The following SUPT3H variants were observed in gnomAD, a reference collection of about 807,000 sequenced individuals.
The protein encoded by SUPT3H is SPT3 homolog, SAGA and STAGA complex component.
A neutral mutation model predicts 44.3 loss-of-function variants in SUPT3H; 44 were observed. The ratio of observed to expected loss-of-function variants is 0.99; its 90% CI spans 0.78 to 1.28. The LOEUF (loss-of-function observed/expected upper bound fraction) is 1.28, where lower values mean the gene tolerates loss of function less well. Among genes scored for constraint, SUPT3H ranks in the 50% most tolerant of loss-of-function variants. The pLI is 0.00. For missense variants in SUPT3H, 380 were observed against 387.1 expected, an observed-to-expected ratio of 0.98 and a Z score of 0.15; for synonymous variants, 124 against 125.6, an observed-to-expected ratio of 0.99 and a Z score of 0.09.
intron 2 of SUPT3H, among the ~76,000 whole-genome samples, chr6:45,219,313 G>A (rs1172680239): frequency 4.0e-5 from 6 of 151,774 alleles, no homozygotes; most frequent in African/African-American, 1.5e-4. Flanking sequence ...TTTGAAAACA[G>A]ATGAATAAAA....
chr6:45,328,214 CTTTACT>C (rs1786707591), intron 2 of SUPT3H: 1 of 1,196,576 alleles, frequency 8.4e-7, no homozygotes, highest in African/African-American at 1.6e-5. Context: ...GGCAGTCCCA[CTTTACT>C]TAAGAGTACT....
intron 6 of SUPT3H, among the ~76,000 whole-genome samples, chr6:44,977,707 C>T (rs1193354091): frequency 2.0e-5 from 3 of 152,134 alleles, no homozygotes; most frequent in African/African-American, 4.8e-5. Context: ...TACTATACTA[C>T]TGACTTCTAC....
intron 10 of SUPT3H, among the ~76,000 whole-genome samples, chr6:44,837,120 G>A (rs1770055960): frequency 6.6e-6 from 1 of 151,960 alleles, no homozygotes; most frequent in African/African-American, 2.4e-5. Context: ...GCATTTTCAA[G>A]GTCTTAGACA....
intron 3 of SUPT3H, among the ~76,000 whole-genome samples, chr6:45,092,083 TTG>T (rs1183752408): frequency 6.6e-6 from 1 of 152,060 alleles, no homozygotes; most frequent in Non-Finnish European, 1.5e-5. Flanking sequence ...TTGTGTGTAT[TTG>T]TGTTTTTAGC....
intron 2 of SUPT3H, among the ~76,000 whole-genome samples, chr6:45,194,857 G>C (rs1815751621): frequency 6.6e-6 from 1 of 152,014 alleles, no homozygotes; most frequent in Non-Finnish European, 1.5e-5. Context: ...AGAATGCTTA[G>C]CAATTTTATT....
At chr6:45,050,654 A>G (rs954624665) in intron 3 of SUPT3H, among the ~76,000 whole-genome samples, 1 of 152,148 alleles carries the variant, frequency 6.6e-6, no homozygotes, top group Non-Finnish European at 1.5e-5. Context: ...GCCTCACGGA[A>G]GACAGTTTTC....
intron 3 of SUPT3H, among the ~76,000 whole-genome samples, chr6:45,058,883 AG>A (rs771763756): frequency 6.6e-6 from 1 of 152,124 alleles, no homozygotes. Flanking sequence ...TCATCCAGTA[AG>A]ATCTACCCGA....
chr6:44,831,011 G>GACTT (rs1768588861), intron 10 of SUPT3H, among the ~76,000 whole-genome samples: 1 of 152,072 alleles, frequency 6.6e-6, no homozygotes, highest in Non-Finnish European at 1.5e-5. Context: ...ATGGAAAGTA[G>GACTT]ACTTAACCCT....
chr6:44,926,361 T>C (rs1769519012), intron 10 of SUPT3H, among the ~76,000 whole-genome samples: 1 of 152,026 alleles, frequency 6.6e-6, no homozygotes. Context: ...ATCCTATATA[T>C]TGAAAACATA....
chr6:45,304,490 T>G (rs1194830335), intron 2 of SUPT3H, among the ~76,000 whole-genome samples: 1 of 152,192 alleles, frequency 6.6e-6, no homozygotes, highest in Non-Finnish European at 1.5e-5. Context: ...CCACTTAGTA[T>G]TCTACTGCTC....
chr6:45,342,738 C>T (rs1003051906), intron 2 of SUPT3H, among the ~76,000 whole-genome samples: 3 of 147,572 alleles, frequency 2.0e-5, no homozygotes, highest in African/African-American at 4.9e-5. Flanking sequence ...TAATAGTTTG[C>T]GTTAATGTTT....
At chr6:45,102,704 G>A (rs901162769) in intron 3 of SUPT3H, among the ~76,000 whole-genome samples, 2 of 152,160 alleles carry the variant, frequency 1.3e-5, no homozygotes, top group Non-Finnish European at 2.9e-5. Flanking sequence ...CACTTTGGGA[G>A]GCTGAGTCGG....
At chr6:45,230,316 A>T (rs1429428199) in intron 2 of SUPT3H, among the ~76,000 whole-genome samples, 1 of 152,076 alleles carries the variant, frequency 6.6e-6, no homozygotes, top group East Asian at 1.9e-4. Context: ...CCTAATGGTG[A>T]GAGTGGGATG....
At chr6:45,363,487 G>GT (rs1198923875) in intron 2 of SUPT3H, among the ~76,000 whole-genome samples, 1 of 152,078 alleles carries the variant, frequency 6.6e-6, no homozygotes, top group Non-Finnish European at 1.5e-5. Flanking sequence ...TCATTACACT[G>GT]TAAGTTTGAA....
downstream of SUPT3H, among the ~76,000 whole-genome samples, chr6:44,823,836 G>A (rs1200725106): frequency 3.9e-5 from 6 of 152,246 alleles, no homozygotes; most frequent in Admixed American, 2.6e-4. Context: ...GGTGGCAGGC[G>A]CCTGTAATCC....
intron 3 of SUPT3H, among the ~76,000 whole-genome samples, chr6:45,066,863 A>AT (rs1793425798): frequency 9.6e-6 from 1 of 104,554 alleles, no homozygotes; most frequent in African/African-American, 4.0e-5. Flanking sequence ...GGAAGAATCA[A>AT]TATCGTGAAA....
chr6:45,176,437 C>G lies in SUPT3H; in HGVS notation c.102-70431G>C, dbSNP rs75806641. On this transcript the variant is annotated intron_variant, in intron 2 of 10. Transcript: ENST00000371459. ...TCGGAGGGTCCTACGCCCACGGAGT[C>G]TCCCTGATTGCTAGCACAGCAGTCT... is the stretch of plus-strand genomic sequence containing the variant. Among the ~76,000 whole-genome samples, 10 of 152,154 alleles carry G rather than the reference C, an allele frequency of 6.6e-5. No homozygotes were observed. In the East Asian group the frequency reaches 1.5e-3, roughly 24 times the overall value.
intron 3 of SUPT3H, among the ~76,000 whole-genome samples, chr6:45,021,938 G>C (rs1220583799): frequency 6.6e-6 from 1 of 151,882 alleles, no homozygotes; most frequent in Non-Finnish European, 1.5e-5. Context: ...TCTTGGTGGG[G>C]GGGTAGGTTT....
intron 2 of SUPT3H, among the ~76,000 whole-genome samples, chr6:45,107,332 G>C (rs1583575436): frequency 6.6e-6 from 1 of 152,250 alleles, no homozygotes; most frequent in East Asian, 1.9e-4. Context: ...AACTAGTAGA[G>C]AATTCAAGGT....
Sources: gnomAD v4.1 joint callset for allele counts (sites outside exome capture counted in the v4.1 genomes callset) on GRCh38, gnomAD v4.1.1 for gene constraint, MANE v1.5 for transcripts, NCBI Gene and HGNC (gene_info 2026-07-23, HGNC 2026-07-21) for gene names.